PMPCB: variants seen among roughly 807,000 people sequenced by gnomAD.
The protein encoded by PMPCB is peptidase, mitochondrial processing subunit beta.
Under a neutral mutation model 61.5 loss-of-function variants are expected in PMPCB, and 46 were observed. The observed-to-expected ratio is 0.75, with a 90% CI of 0.59 to 0.96. The LOEUF (loss-of-function observed/expected upper bound fraction) is 0.96. Ranked by LOEUF, PMPCB falls within the 40% of genes least tolerant of loss-of-function variation. The probability of loss-of-function intolerance (pLI) is 0.00; values close to 1 mark genes in which losing one functional copy is unlikely to be tolerated. For missense variants in PMPCB, 590 were observed against 602.4 expected (o/e 0.98, Z 0.22); for synonymous variants, 191 against 201.6 (o/e 0.95, Z 0.44).
chr7:103,323,998 T>TA (rs1554568052), intron 12 of PMPCB, among the ~76,000 whole-genome samples: 1 of 152,220 alleles, frequency 6.6e-6, no homozygotes. Context: ...CATCTCCAGT[T>TA]TGTATCCTCT....
chr7:103,318,272 CCT>C, downstream of PMPCB, among the ~76,000 whole-genome samples: 1 of 152,122 alleles, frequency 6.6e-6, no homozygotes, highest in East Asian at 1.9e-4. Flanking sequence ...CTCAGGTAAT[CCT>C]CTAACCTCAG....
chr7:103,300,424 A>C (rs1299822864), intron 4 of PMPCB, 117 bp downstream of exon 4: 6 of 762,702 alleles, frequency 7.9e-6, no homozygotes, highest in Non-Finnish European at 9.8e-6. Context: ...TGAAAAAGCG[A>C]AACTGAATTC....
At chr7:103,304,544 T>C (rs180779503) in intron 6 of PMPCB, 54 bp downstream of exon 6, 7 of 1,150,226 alleles carry the variant, frequency 6.1e-6, no homozygotes, top group Admixed American at 5.1e-5. Flanking sequence ...TGGAGTGGTA[T>C]GCTTATTAGT....
At chr7:103,299,352 A>G (rs1817384257) in intron 2 of PMPCB, 91 bp from the exon 3 acceptor site, 2 of 716,392 alleles carry the variant, frequency 2.8e-6, no homozygotes, top group African/African-American at 3.6e-5. Context: ...TTAAGACCAG[A>G]AAGCATTTGT....
chr7:103,332,847 C>CTG (rs1819027476), downstream of PMPCB, among the ~76,000 whole-genome samples: 1 of 152,178 alleles, frequency 6.6e-6, no homozygotes, highest in Admixed American at 6.5e-5. Flanking sequence ...TAGTCTTGAA[C>CTG]TACAGAGCTC....
chr7:103,322,751 T>C, intron 12 of PMPCB: 1 of 1,609,502 alleles, frequency 6.2e-7, no homozygotes, highest in Non-Finnish European at 8.5e-7. Flanking sequence ...CTTTGTGCTC[T>C]TGTTGCTCTG....
In PMPCB at chr7:103,310,403, G is replaced by A; in HGVS notation, c.1082G>A (p.Gly361Glu). The A allele has an allele frequency of 6.2e-7, 1 of 1,612,116 alleles. No individual in the cohort carries two copies. The highest frequency in any genetic ancestry group is 2.2e-5 in the East Asian group (1 of 44,836). Residue 361 changes from glycine to glutamate, a missense_variant, in exon 9 of 13, where the codon GGA becomes GAA. Physicochemically the swap from Gly to Glu is moderately conservative, Grantham distance 98 (BLOSUM62 -2). Coordinates refer to ENST00000249269, the MANE Select transcript of PMPCB (RefSeq NM_004279.3). ...QSFNTSYTDT[G>E]LWGLYMVCES... is the part of the protein sequence containing the mutation. ...TTCAACACTTCCTACACAGATACAG[G>A]ATTATGGGGACTGTATATGGTTTGT...
intron 6 of PMPCB, among the ~76,000 whole-genome samples, chr7:103,305,460 TGTTGCCCAGGCTG>T (rs1408841827): frequency 6.6e-6 from 1 of 152,242 alleles, no homozygotes; most frequent in Non-Finnish European, 1.5e-5. Context: ...TTCTTAACTA[TGTTGCCCAGGCTG>T]GTTTCAATCT....
At chr7:103,323,952 T>G (rs796959225) in intron 12 of PMPCB, among the ~76,000 whole-genome samples, 13 of 152,340 alleles carry the variant, frequency 8.5e-5, no homozygotes, top group African/African-American at 3.1e-4. Context: ...TTCGCTAGTC[T>G]GTCAAGTCTG....
chr7:103,315,893 A>G (rs777939665), downstream of PMPCB: 20 of 1,572,670 alleles, frequency 1.3e-5, no homozygotes, highest in Non-Finnish European at 1.7e-5. Flanking sequence ...AAAAAATTTA[A>G]TACTTAACAG....
At chr7:103,343,837 G>A in the PMPCB span, among the ~76,000 whole-genome samples, 2 of 152,150 alleles carry the variant, frequency 1.3e-5, no homozygotes, top group Admixed American at 6.5e-5. Flanking sequence ...AGTTGTAAGA[G>A]GCACACGGAG....
At position 103,312,312 on chromosome 7, in the gene PMPCB, A is replaced by G; in HGVS notation, c.*41A>G. Reference sequence around the variant, plus strand: ...GATTGTTTGAACACATGTATTTATAAAACAGAGCTAGAGAAAAATAAAAAT... The same window carrying G: ...GATTGTTTGAACACATGTATTTATAGAACAGAGCTAGAGAAAAATAAAAAT... On this transcript the variant is annotated 3_prime_UTR_variant, in exon 13 of 13. Coordinates refer to ENST00000249269, the MANE Select transcript of PMPCB (RefSeq NM_004279.3). 6.2e-7 allele frequency: 1 copy of G among 1,602,708 alleles called. No homozygotes were observed.
At chr7:103,305,350 G>C (rs1817548695) in intron 6 of PMPCB, among the ~76,000 whole-genome samples, 1 of 152,180 alleles carries the variant, frequency 6.6e-6, no homozygotes, top group Non-Finnish European at 1.5e-5. Context: ...GATATTGCCA[G>C]ATTTCCTGGC....
chr7:103,301,569 C>G (rs1257358624), intron 4 of PMPCB, among the ~76,000 whole-genome samples: 1 of 152,132 alleles, frequency 6.6e-6, no homozygotes, highest in Non-Finnish European at 1.5e-5. Context: ...CCCCTTTTCT[C>G]CTGGCATCTA....
chr7:103,347,465 A>G, the PMPCB span: 1 of 417,882 alleles, frequency 2.4e-6, no homozygotes, highest in African/African-American at 2.0e-5. Context: ...TGTGGCCACT[A>G]CTTATTGTGT....
rs777654918 is a variant in PMPCB at position 103,310,470 on chromosome 7, A to C, written c.1149A>C (p.Lys383Asn). ...CAGACATGCTACATGTTGTTCAAAAAGAATGGTGAGAAAAATAGCTTTAAG... is the reference window on the plus strand; with the variant it reads ...CAGACATGCTACATGTTGTTCAAAACGAATGGTGAGAAAAATAGCTTTAAG... ...TVADMLHVVQ[K>N]EWMRLCTSVT... is the part of the protein sequence containing the mutation. Residue 383 changes from lysine (K) to asparagine (N), a missense_variant, in exon 9 of 13, where the codon AAA (lysine) becomes AAC (asparagine). Coordinates refer to ENST00000249269, the MANE Select transcript of PMPCB (RefSeq NM_004279.3). The C allele has an allele frequency of 1.3e-6, 2 of 1,597,552 alleles. No homozygotes were observed. Among genetic ancestry groups the C allele is most frequent in the Non-Finnish European group, 1.7e-6 (2 of 1,174,456 alleles).
chr7:103,344,267 T>C, the PMPCB span: 3 of 474,876 alleles, frequency 6.3e-6, no homozygotes, highest in African/African-American at 2.0e-5. Flanking sequence ...AGAACCTTTC[T>C]GGGGTGCTGG....
At chr7:103,344,510 G>A in the PMPCB span, 3 of 1,605,794 alleles carry the variant, frequency 1.9e-6, no homozygotes, top group Non-Finnish European at 2.6e-6. Context: ...GGAGGACTGA[G>A]GCAGGGGCAG....
chr7:103,334,509 G>A (rs886671266), downstream of PMPCB, among the ~76,000 whole-genome samples: 1 of 151,740 alleles, frequency 6.6e-6, no homozygotes, highest in African/African-American at 2.4e-5. Flanking sequence ...CCTGGAGATG[G>A]AGGTTGCAGT....
Sources: allele counts gnomAD v4.1 joint callset (sites outside exome capture counted in the v4.1 genomes callset), GRCh38; gene constraint gnomAD v4.1.1; transcripts MANE v1.5; gene names NCBI Gene and HGNC (gene_info 2026-07-23, HGNC 2026-07-21).